The following CCDC183 variants were observed in gnomAD, a reference collection of about 807,000 sequenced individuals.
CCDC183 encodes coiled-coil domain-containing protein 183.
A neutral mutation model predicts 65.2 loss-of-function variants in CCDC183; 63 were observed. That is an observed-to-expected ratio of 0.97 (90% CI 0.79 to 1.19). CCDC183 has a LOEUF of 1.19. CCDC183 is among the 50% of genes most tolerant of loss of function. The probability of loss-of-function intolerance (pLI) is 0.00; values close to 1 mark genes in which losing one functional copy is unlikely to be tolerated. For missense variants in CCDC183, 769 were observed against 689.3 expected, an observed-to-expected ratio of 1.12 and a Z score of -1.30; for synonymous variants, 323 against 276.5, an observed-to-expected ratio of 1.17 and a Z score of -1.67.
intron 6 of CCDC183, among the ~76,000 whole-genome samples, chr9:136,803,096 CA>C (rs1847767191): frequency 1.9e-5 from 1 of 52,354 alleles, no homozygotes; most frequent in Non-Finnish European, 3.5e-5. Flanking sequence ...CCCCCAGGGC[CA>C]GCCCTCTTGG....
intron 6 of CCDC183, among the ~76,000 whole-genome samples, chr9:136,803,475 G>C (rs190315463): frequency 6.6e-6 from 1 of 152,142 alleles, no homozygotes; most frequent in African/African-American, 2.4e-5. Context: ...AGAACTGGCC[G>C]GGCCAGGGCG....
chr9:136,803,757 G>A (rs1017133828), intron 6 of CCDC183, among the ~76,000 whole-genome samples: 2 of 152,090 alleles, frequency 1.3e-5, no homozygotes, highest in African/African-American at 4.8e-5. Flanking sequence ...TACAACTTGG[G>A]AAAAGGCCCT....
chr9:136,798,329 T>G (rs1050307779), intron 1 of CCDC183, among the ~76,000 whole-genome samples: 2 of 136,894 alleles, frequency 1.5e-5, no homozygotes, highest in Non-Finnish European at 3.1e-5. Flanking sequence ...TGAGACAGAG[T>G]CTCATTCTGT....
intron 2 of CCDC183, 184 bp from the exon 3 acceptor site, chr9:136,799,529 C>G: frequency 1.5e-6 from 1 of 681,118 alleles, no homozygotes; most frequent in Non-Finnish European, 2.5e-6. Flanking sequence ...TACCCCCCTA[C>G]CACGTCGCCT....
At position 136,804,606 on chromosome 9, in the gene CCDC183, G is replaced by C. The variant is rs767140084; in HGVS notation, c.771G>C (p.Glu257Asp). The change falls in exon 7 of 14, where the codon GAG becomes GAC. Residue 257 changes from glutamate (E) to aspartate (D), a missense_variant. Coordinates refer to ENST00000338005, the MANE Select transcript of CCDC183 (RefSeq NM_001039374.5). The surrounding 1 kb of genome is among the most constrained non-coding windows in gnomAD (Gnocchi z 4.1). ...TGATCGACAAGATCCACACGAAGGA[G>C]ACCAGCGAGAAGTACCGCCGGGTAA... Reference protein sequence around the residue: ...KKLIDKIHTKETSEKYRRGQM... With the variant: ...KKLIDKIHTKDTSEKYRRGQM... The C allele has an allele frequency of 1.2e-6, 2 of 1,613,758 alleles. No individual in the cohort carries two copies. Among genetic ancestry groups the C allele is most frequent in the Non-Finnish European group, 1.7e-6 (2 of 1,179,946 alleles).
chr9:136,807,203 C>A, intron 13 of CCDC183, 137 bp downstream of exon 13: 1 of 761,116 alleles, frequency 1.3e-6, no homozygotes, highest in South Asian at 1.6e-5. Context: ...ACCTGCAGGA[C>A]TTTAATTGAT....
At chr9:136,797,052 G>T (rs998910039) in intron 1 of CCDC183, among the ~76,000 whole-genome samples, 1 of 152,210 alleles carries the variant, frequency 6.6e-6, no homozygotes, top group Non-Finnish European at 1.5e-5. Context: ...GAATGTCTCA[G>T]TGTAAAGCCG....
Position 136,806,972 on chromosome 9 carries a change from C to A in CCDC183, c.1392C>A (p.Gly464=), listed in dbSNP as rs181529490. 1.2e-6 allele frequency: 2 copies of A among 1,613,616 alleles called. No homozygotes were observed. The highest frequency in any genetic ancestry group is 1.7e-6 in the Non-Finnish European group (2 of 1,179,998). Residue 464 remains glycine, a splice_region_variant and synonymous_variant, in exon 13 of 14, where the codon GGC becomes GGA. Coordinates refer to ENST00000338005, the MANE Select transcript of CCDC183 (RefSeq NM_001039374.5). ...RVQMVSRTEE[G]DTKVRDTLES... ...CTGAAGGGGGCTTTGCCCTGCAGGG[C>A]GACACAAAGGTGAGGGACACCCTGG...
Position 136,803,249 on chromosome 9 carries a change from GGATGGGGTCAAGGTGAGCTCA to G in CCDC183, c.666+465_666+485del, listed in dbSNP as rs1847776448. ...CCAGGGCCAGCCCTCTTGGATCTTC[GGATGGGGTCAAGGTGAGCTCA>G]GGGCCCAGGGCTGGGGCCCCCCAGG... On this transcript the variant is annotated intron_variant, in intron 6 of 13. Transcript: ENST00000338005. Among the ~76,000 whole-genome samples, 5 of 99,408 alleles carry G rather than the reference GGATGGGGTCAAGGTGAGCTCA, an allele frequency of 5.0e-5. 1 individual carries two copies. The South Asian group carries it at 1.0e-3, about 20-fold the overall frequency. 65.2% of individuals were successfully genotyped at this position (99,408 alleles called of 152,430 possible). A position where few individuals can be genotyped will look rare whatever the true frequency, so the allele number is the denominator to read the frequency against.
At chr9:136,798,999 AC>A in intron 1 of CCDC183, 102 bp from the exon 2 acceptor site, 2 of 1,490,044 alleles carry the variant, frequency 1.3e-6, no homozygotes, top group Non-Finnish European at 1.8e-6. Flanking sequence ...ATCCCCCTGG[AC>A]CCTGGGGCCT....
chr9:136,799,995 G>T lies in CCDC183; in HGVS notation c.271-7G>T. 3 of 1,580,796 alleles carry T rather than the reference G, an allele frequency of 1.9e-6. No homozygotes were observed. The South Asian group carries it at 3.5e-5, about 18-fold the overall frequency. ...ACCACGAGTGGGCGGTGCCCTTCCCGACCCAGGTGGTGCGGGAGAAGCTGC... is the reference window on the plus strand; with the variant it reads ...ACCACGAGTGGGCGGTGCCCTTCCCTACCCAGGTGGTGCGGGAGAAGCTGC... On this transcript the variant is annotated splice_region_variant and splice_polypyrimidine_tract_variant and intron_variant, in intron 3 of 13. Transcript: ENST00000338005.
In CCDC183 at chr9:136,796,346, C is replaced by A; in HGVS notation, c.-52C>A. On this transcript the variant is annotated 5_prime_UTR_variant, in exon 1 of 14. Transcript: ENST00000338005. ...GAGTGGCGGCTCTGAGCAAGCTGAG[C>A]CCAGGGAGGCTTTGAGGTACACAGG... 2 of 1,240,810 alleles carry A rather than the reference C, an allele frequency of 1.6e-6. No homozygotes were observed. Among genetic ancestry groups the A allele is most frequent in the South Asian group, 2.6e-5 (2 of 78,194 alleles). 76.9% of individuals were successfully genotyped at this position (1,240,810 alleles called of 1,614,324 possible).
intron 13 of CCDC183, 57 bp downstream of exon 13, chr9:136,807,123 G>A: frequency 6.5e-7 from 1 of 1,526,972 alleles, no homozygotes; most frequent in African/African-American, 1.4e-5. Context: ...ACACAGGTCG[G>A]GGTGGCGCCG....
intron 5 of CCDC183, among the ~76,000 whole-genome samples, chr9:136,802,330 A>G (rs2131132044): frequency 6.6e-6 from 1 of 152,260 alleles, no homozygotes; most frequent in South Asian, 2.1e-4. Flanking sequence ...CCCCAAGCCC[A>G]TGTCTTGAGC....
rs1564350031 is a variant in CCDC183 at position 136,803,145 on chromosome 9, GCTGGGGCCCC to G, written c.666+361_666+370del. Among the ~76,000 whole-genome samples, 13 of 66,984 alleles carry G rather than the reference GCTGGGGCCCC, an allele frequency of 1.9e-4. 1 individual carries two copies. The highest frequency in any genetic ancestry group is 7.5e-4 in the African/African-American group (8 of 10,670). 43.9% of individuals were successfully genotyped at this position (66,984 alleles called of 152,430 possible). A position where few individuals can be genotyped will look rare whatever the true frequency, so the allele number is the denominator to read the frequency against. ...GGTCAAGGTGAGCTCAGGGCCCAGG[GCTGGGGCCCC>G]CCAGGGCCAGCCCTCTTGGATCTTC... is the stretch of plus-strand genomic sequence containing the variant. On this transcript the variant is annotated intron_variant, in intron 6 of 13. Coordinates refer to ENST00000338005, the MANE Select transcript of CCDC183 (RefSeq NM_001039374.5).
Position 136,804,872 on chromosome 9 carries a change from C to G in CCDC183, c.847+56C>G. The G allele has an allele frequency of 6.8e-7, 1 of 1,470,212 alleles. No individual in the cohort carries two copies. The highest frequency in any genetic ancestry group is 9.5e-7 in the Non-Finnish European group (1 of 1,052,322). The allele number at this position is 1,470,212 out of a possible 1,614,324, so 91.1% of individuals were successfully genotyped here. A position where few individuals can be genotyped will look rare whatever the true frequency, so the allele number is the denominator to read the frequency against. ...CCAGGGTCCCAAGGAGAGGCTGGCA[C>G]TGATTCAGGCCAACGGATCAAGTCA... On this transcript the variant is annotated intron_variant, in intron 8 of 13. Transcript: ENST00000338005. The surrounding 1 kb of genome is among the most constrained non-coding windows in gnomAD (Gnocchi z 4.1).
At chr9:136,800,360 C>T (rs1477429541) in intron 4 of CCDC183, 29 bp from the exon 5 acceptor site, 1 of 1,580,788 alleles carries the variant, frequency 6.3e-7, no homozygotes, top group South Asian at 1.1e-5. Context: ...GTCCCCACGC[C>T]CTCTCACTGC....
rs1287955989 is a variant in CCDC183, at chr9:136,804,446, A to C, written c.667-56A>C. 1 of 1,579,732 alleles carries C rather than the reference A, an allele frequency of 6.3e-7. No homozygotes were observed. The highest frequency in any genetic ancestry group is 8.6e-7 in the Non-Finnish European group (1 of 1,163,964). On this transcript the variant is annotated intron_variant, in intron 6 of 13. Transcript: ENST00000338005. The surrounding 1 kb of genome is among the most constrained non-coding windows in gnomAD (Gnocchi z 4.1). ...CCAACCGCCCGCTGGCTTTACTGCC[A>C]TTAGGGGCCTTGTTGAGACAGCTCC...
Position 136,806,555 on chromosome 9 carries a change from G to A in CCDC183, c.1161G>A (p.Glu387=), listed in dbSNP as rs750382559. 5 of 1,613,640 alleles carry A rather than the reference G, an allele frequency of 3.1e-6. No homozygotes were observed. Among genetic ancestry groups the A allele is most frequent in the Admixed American group, 1.7e-5 (1 of 60,026 alleles). The change falls in exon 11 of 14, where the codon GAG becomes GAA. Residue 387 remains glutamate, a synonymous_variant. Coordinates refer to ENST00000338005, the MANE Select transcript of CCDC183 (RefSeq NM_001039374.5). The part of the protein sequence containing the change: ...KMTDMLKEEE[E]RLQLAHSNMT... ...CAGACATGCTAAAAGAGGAAGAAGA[G>A]AGGCTCCAGCTGGCGCACAGCAACA...
Sources: gnomAD v4.1 joint callset for allele counts (sites outside exome capture counted in the v4.1 genomes callset) on GRCh38, gnomAD v4.1.1 for gene constraint, Gnocchi (gnomAD v3.1) non-coding constraint, MANE v1.5 for transcripts, NCBI Gene and HGNC (gene_info 2026-07-23, HGNC 2026-07-21) for gene names.